Variants in GBF1 observed in about 807,000 individuals in gnomAD.
GBF1 encodes the protein golgi brefeldin A resistant guanine nucleotide exchange factor 1.
A neutral mutation model predicts 210.5 loss-of-function variants in GBF1; 114 were observed. The ratio of observed to expected loss-of-function variants is 0.54; its 90% CI spans 0.47 to 0.63. GBF1 has a LOEUF of 0.63. Ranked by LOEUF, GBF1 falls within the 30% of genes least tolerant of loss-of-function variation. The probability of loss-of-function intolerance (pLI) is 0.00; values close to 1 mark genes in which losing one functional copy is unlikely to be tolerated. For synonymous variants in GBF1, 850 were observed against 889.2 expected, an observed-to-expected ratio of 0.96 and a Z score of 0.78; for missense variants, 1,851 against 2,357.7, an observed-to-expected ratio of 0.79 and a Z score of 4.45.
intron 4 of GBF1, 59 bp downstream of exon 4, chr10:102,344,241 T>A: frequency 6.5e-7 from 1 of 1,543,312 alleles, no homozygotes; most frequent in Non-Finnish European, 8.9e-7. Flanking sequence ...TTTCCTGGGG[T>A]GCCCAGGCCT....
chr10:102,360,446 A>C, intron 12 of GBF1, 51 bp downstream of exon 12: 1 of 1,222,532 alleles, frequency 8.2e-7, no homozygotes, highest in Non-Finnish European at 1.2e-6. Context: ...GGGCCAGGGG[A>C]ACACAGGGAG....
chr10:102,367,172 C>T lies in GBF1; in HGVS notation c.2521C>T (p.His841Tyr). The change falls in exon 20 of 40, where the codon CAC becomes TAC. Residue 841 changes from histidine (H) to tyrosine (Y), a missense_variant. Coordinates refer to ENST00000369983, the MANE Select transcript of GBF1 (RefSeq NM_001377137.1). ...VIMLNTDQHN[H>Y]NVRKQNAPMT... Reference sequence around the variant, plus strand: ...CATGCTTAATACTGACCAGCACAACCACAATGTTCGTAAACAGAATGCACC... The same window carrying T: ...CATGCTTAATACTGACCAGCACAACTACAATGTTCGTAAACAGAATGCACC... 3 of 1,614,066 alleles carry T rather than the reference C, an allele frequency of 1.9e-6. No homozygotes were observed. The African/African-American group carries it at 4.0e-5, about 22-fold the overall frequency.
intron 3 of GBF1, among the ~76,000 whole-genome samples, chr10:102,307,465 C>T (rs1016800639): frequency 3.3e-5 from 5 of 151,498 alleles, no homozygotes; most frequent in African/African-American, 1.2e-4. Flanking sequence ...AAAAAGGTCC[C>T]TGTGAGAACC....
intron 1 of GBF1, 84 bp from the exon 2 acceptor site, chr10:102,258,845 C>A: frequency 2.9e-6 from 2 of 688,466 alleles, no homozygotes; most frequent in East Asian, 2.7e-5. Flanking sequence ...ACAATTCTAA[C>A]CTTATCAGGT....
chr10:102,370,152 C>A, intron 26 of GBF1, 22 bp from the exon 27 acceptor site: 2 of 1,590,432 alleles, frequency 1.3e-6, no homozygotes, highest in Non-Finnish European at 1.7e-6. Context: ...CAAAGACCCC[C>A]TCTCTCTTTT....
chr10:102,261,761 AC>A (rs1351539874), intron 3 of GBF1, among the ~76,000 whole-genome samples: 1 of 151,708 alleles, frequency 6.6e-6, no homozygotes, highest in African/African-American at 2.4e-5. Context: ...AGCTGGGATT[AC>A]AGACGTGCAC....
chr10:102,313,505 C>T (rs1218025226), intron 3 of GBF1, among the ~76,000 whole-genome samples: 1 of 152,090 alleles, frequency 6.6e-6, no homozygotes, highest in African/African-American at 2.4e-5. Context: ...TTTATGAGCT[C>T]GTCTGGACTG....
At chr10:102,381,951 G>A in intron 39 of GBF1, 105 bp from the exon 40 acceptor site, 1 of 971,296 alleles carries the variant, frequency 1.0e-6, no homozygotes, top group Admixed American at 2.7e-5. Flanking sequence ...GTTGCTTACT[G>A]GAACAAGGAG....
rs745345774 is a variant in GBF1, at chr10:102,381,185, C to T, written c.5232C>T (p.Ser1744=). ...QKPLASAHLT[S]AAGDTRTPGH... is the part of the protein sequence containing the mutation. The stretch of plus-strand genomic sequence containing the variant: ...CTCTCGCCTCAGCCCACCTGACTTC[C>T]GCTGCTGGCGACACTAGGACACCTG... The change falls in exon 39 of 40, where the codon TCC becomes TCT. Residue 1744 remains serine (S), a synonymous_variant. Coordinates refer to ENST00000369983, the MANE Select transcript of GBF1 (RefSeq NM_001377137.1). 4.8e-5 allele frequency: 78 copies of T among 1,613,732 alleles called. No homozygotes were observed. The highest frequency in any genetic ancestry group is 1.3e-4 in the Admixed American group (8 of 59,996).
rs7082702 is a variant in GBF1 at position 102,283,991 on chromosome 10, C to T, written c.163+23875C>T. Among the ~76,000 whole-genome samples the T allele has an allele frequency of 1.9e-3, 295 of 152,282 alleles. 1 individual carries two copies. The highest frequency in any genetic ancestry group is 6.4e-3 in the African/African-American group (268 of 41,556). Reference sequence around the variant, plus strand: ...CCTCCAGTGGGAATACAGACATAGACGTCCACTGACATTTCTGCAACCAGT... The same window carrying T: ...CCTCCAGTGGGAATACAGACATAGATGTCCACTGACATTTCTGCAACCAGT... On this transcript the variant is annotated intron_variant, in intron 3 of 39. Transcript: ENST00000369983.
upstream of GBF1, among the ~76,000 whole-genome samples, chr10:102,240,563 C>G (rs1410085229): frequency 6.6e-6 from 1 of 152,244 alleles, no homozygotes; most frequent in Non-Finnish European, 1.5e-5. Flanking sequence ...ACATGCCACC[C>G]AGCCAGGGAC....
intron 3 of GBF1, among the ~76,000 whole-genome samples, chr10:102,307,164 T>G (rs909623946): frequency 6.6e-6 from 1 of 152,062 alleles, no homozygotes; most frequent in African/African-American, 2.4e-5. Flanking sequence ...TTGCTTTCTC[T>G]CTTCCTCTTT....
At chr10:102,370,903 A>G in intron 29 of GBF1, 43 bp downstream of exon 29, 2 of 1,574,744 alleles carry the variant, frequency 1.3e-6, no homozygotes, top group Middle Eastern at 1.7e-4. Context: ...TATGCAAGGG[A>G]TTAAGGCCAC....
At chr10:102,292,012 C>T (rs1385146430) in intron 3 of GBF1, among the ~76,000 whole-genome samples, 1 of 151,410 alleles carries the variant, frequency 6.6e-6, no homozygotes, top group Non-Finnish European at 1.5e-5. Context: ...GCCCCAGCCT[C>T]CTGAGTAGCT....
At chr10:102,235,907 C>G in the GBF1 span, among the ~76,000 whole-genome samples, 5 of 152,206 alleles carry the variant, frequency 3.3e-5, no homozygotes. Flanking sequence ...GGCAGAGTAA[C>G]CCAAGCTGGG....
At chr10:102,304,002 C>A (rs2077624702) in intron 3 of GBF1, among the ~76,000 whole-genome samples, 1 of 150,784 alleles carries the variant, frequency 6.6e-6, no homozygotes, top group South Asian at 2.1e-4. Flanking sequence ...TTTTTTTTTA[C>A]TCCAAAGGCA....
chr10:102,367,521 T>C lies in GBF1; in HGVS notation c.2603T>C (p.Phe868Ser), dbSNP rs1373612833. The C allele has an allele frequency of 6.2e-7, 1 of 1,609,150 alleles. No individual in the cohort carries two copies. Among genetic ancestry groups the C allele is most frequent in the Non-Finnish European group, 8.5e-7 (1 of 1,175,422 alleles). Residue 868 changes from phenylalanine (F) to serine (S), a missense_variant, in exon 21 of 40, where the codon TTT (phenylalanine) becomes TCT (serine). Physicochemically the swap from Phe to Ser is radical, Grantham distance 155. Transcript: ENST00000369983. ...NLKGVNGGKD[F>S]EQDILEDMYH... is the part of the protein sequence containing the mutation. ...AAAGGTGTGAATGGAGGCAAGGACT[T>C]TGAGCAAGACATCCTGGAGGACATG... is the stretch of plus-strand genomic sequence containing the variant.
intron 3 of GBF1, among the ~76,000 whole-genome samples, chr10:102,304,986 AAAAAAAG>A (rs2077713175): frequency 3.2e-5 from 1 of 31,658 alleles, no homozygotes; most frequent in Non-Finnish European, 5.9e-5. Context: ...CATCTCTTAA[AAAAAAAG>A]AAAGAAAGAA....
intron 17 of GBF1, among the ~76,000 whole-genome samples, chr10:102,364,150 TATTC>T (rs2059771355): frequency 6.6e-6 from 1 of 151,968 alleles, no homozygotes; most frequent in African/African-American, 2.4e-5. Context: ...GGGAAATTGA[TATTC>T]ATTCTGGTGC....
Sources: gnomAD v4.1 joint callset for allele counts (sites outside exome capture counted in the v4.1 genomes callset) on GRCh38, gnomAD v4.1.1 for gene constraint, MANE v1.5 for transcripts, NCBI Gene and HGNC (gene_info 2026-07-23, HGNC 2026-07-21) for gene names.